KSR2: variants seen among roughly 807,000 people sequenced by gnomAD.
KSR2 encodes the protein kinase suppressor of ras 2.
KSR2 carries 25 observed loss-of-function variants against 107.8 expected under a neutral mutation model. The ratio of observed to expected loss-of-function variants is 0.23; its 90% CI spans 0.17 to 0.32. The LOEUF is 0.32. Among genes scored for constraint, KSR2 ranks in the 10% least tolerant of loss-of-function variants. The pLI is 1.00. For missense variants in KSR2, 887 were observed against 1,268.9 expected, an observed-to-expected ratio of 0.70 and a Z score of 4.57; for synonymous variants, 480 against 507.0, an observed-to-expected ratio of 0.95 and a Z score of 0.71.
In KSR2 at chr12:117,931,085, G is replaced by A. The variant is rs939949256; in HGVS notation, c.180+36991C>T. ...TTTTTACAGAAACTCCAAGAGAGTC[G>A]TGCGGAGCAGAGACTTCAGCGGCTG... On this transcript the variant is annotated intron_variant, in intron 1 of 19. Coordinates refer to ENST00000339824, the MANE Select transcript of KSR2 (RefSeq NM_173598.6). Among the ~76,000 whole-genome samples the A allele has an allele frequency of 2.6e-5, 4 of 152,186 alleles. No homozygotes were observed. The South Asian group carries it at 6.2e-4, about 24-fold the overall frequency.
At position 117,936,967 on chromosome 12, in the gene KSR2, G is replaced by A. The variant is rs924044850; in HGVS notation, c.180+31109C>T. Among the ~76,000 whole-genome samples, 13 of 152,276 alleles carry A rather than the reference G, an allele frequency of 8.5e-5. No individual in the cohort carries two copies. The South Asian group carries it at 1.9e-3, about 22-fold the overall frequency. ...TGAGCCAGAGCCCAGAGGGTGCCCA[G>A]GGACGCCTCCTCCATCTGCCCCCAG... On this transcript the variant is annotated intron_variant, in intron 1 of 19. Transcript: ENST00000339824.
intron 4 of KSR2, among the ~76,000 whole-genome samples, chr12:117,689,595 G>A (rs749677881): frequency 1.6e-4 from 24 of 151,936 alleles, no homozygotes; most frequent in Admixed American, 1.3e-3. Flanking sequence ...ATTTGGCCCC[G>A]GGGGGCATGG....
intron 3 of KSR2, among the ~76,000 whole-genome samples, chr12:117,793,880 TACA>T (rs974616717): frequency 3.4e-5 from 4 of 115,946 alleles, no homozygotes; most frequent in Non-Finnish European, 5.2e-5. Context: ...TATGCACACA[TACA>T]ACATGCACAC....
intron 13 of KSR2, 116 bp downstream of exon 13, chr12:117,526,955 G>T: frequency 1.3e-6 from 1 of 789,840 alleles, no homozygotes; most frequent in Non-Finnish European, 2.2e-6. Context: ...ATCAGTCAGG[G>T]CCACCACAGC....
At chr12:117,585,941 G>A (rs1400711711) in intron 5 of KSR2, among the ~76,000 whole-genome samples, 3 of 152,220 alleles carry the variant, frequency 2.0e-5, no homozygotes, top group Non-Finnish European at 2.9e-5. Context: ...AAGGAGGGAG[G>A]ATTCTTCTCC....
At chr12:117,577,229 C>A (rs537840927) in intron 7 of KSR2, among the ~76,000 whole-genome samples, 15 of 152,292 alleles carry the variant, frequency 9.8e-5, no homozygotes, top group African/African-American at 3.1e-4. Flanking sequence ...TTCTCAGAAT[C>A]TTTTAAACTA....
chr12:117,766,242 T>A (rs1429542268), intron 3 of KSR2, among the ~76,000 whole-genome samples: 1 of 152,296 alleles, frequency 6.6e-6, no homozygotes, highest in East Asian at 1.9e-4. Flanking sequence ...AAGTACTGAT[T>A]CATGTGGATC....
chr12:117,717,995 G>C (rs1340500074), intron 4 of KSR2, among the ~76,000 whole-genome samples: 1 of 152,162 alleles, frequency 6.6e-6, no homozygotes, highest in Non-Finnish European at 1.5e-5. Flanking sequence ...CAACATTTGT[G>C]TAAGCACCTA....
intron 19 of KSR2, among the ~76,000 whole-genome samples, chr12:117,468,390 G>A (rs1489738620): frequency 6.6e-6 from 1 of 152,226 alleles, no homozygotes; most frequent in Non-Finnish European, 1.5e-5. Context: ...ACGTAGTGGA[G>A]TGGCAATTTC....
intron 5 of KSR2, among the ~76,000 whole-genome samples, chr12:117,593,900 A>G (rs1880476086): frequency 6.6e-6 from 1 of 152,254 alleles, no homozygotes; most frequent in Non-Finnish European, 1.5e-5. Flanking sequence ...AGTTATGCAG[A>G]GGACAGAACT....
intron 9 of KSR2, among the ~76,000 whole-genome samples, chr12:117,541,355 C>G (rs113507392): frequency 6.6e-6 from 1 of 152,124 alleles, no homozygotes; most frequent in Admixed American, 6.5e-5. Flanking sequence ...CAGGGAGGAA[C>G]AGTAGCTGTA....
chr12:117,621,443 C>T lies in KSR2; in HGVS notation c.1172-39084G>A, dbSNP rs1019435995. Among the ~76,000 whole-genome samples, 3 of 152,186 alleles carry T rather than the reference C, an allele frequency of 2.0e-5. No individual in the cohort carries two copies. In the East Asian group the frequency reaches 5.8e-4, roughly 29 times the overall value. On this transcript the variant is annotated intron_variant, in intron 5 of 19. Coordinates refer to ENST00000339824, the MANE Select transcript of KSR2 (RefSeq NM_173598.6). ...GGCTGACTCCACGACTTACTAGCTG[C>T]ATTCACATAGGCAGGTTAGTTAACC... is the stretch of plus-strand genomic sequence containing the variant.
intron 19 of KSR2, 91 bp from the exon 20 acceptor site, chr12:117,467,296 G>T: frequency 1.7e-6 from 1 of 595,368 alleles, no homozygotes; most frequent in Middle Eastern, 2.7e-4. Context: ...CAGTGGGCCA[G>T]GTGGCTTGAG....
At chr12:117,855,700 G>A in intron 2 of KSR2, 122 bp from the exon 3 acceptor site, 3 of 974,222 alleles carry the variant, frequency 3.1e-6, no homozygotes, top group Admixed American at 2.2e-5. Context: ...ATGACAGTGG[G>A]GTCTCCGAAT....
chr12:117,578,181 C>T (rs899343703), intron 7 of KSR2, among the ~76,000 whole-genome samples: 4 of 152,086 alleles, frequency 2.6e-5, no homozygotes, highest in Admixed American at 1.3e-4. Context: ...GGGTTCAGGT[C>T]CTGACTGTCA....
intron 4 of KSR2, among the ~76,000 whole-genome samples, chr12:117,724,151 T>C (rs1343870566): frequency 1.3e-5 from 2 of 151,654 alleles, no homozygotes; most frequent in Non-Finnish European, 2.9e-5. Flanking sequence ...TACCAAACAA[T>C]ACAAAAATTA....
intron 3 of KSR2, among the ~76,000 whole-genome samples, chr12:117,794,216 T>C (rs1300393325): frequency 2.5e-5 from 2 of 80,060 alleles, no homozygotes; most frequent in Non-Finnish European, 4.5e-5. Flanking sequence ...TACACCAACA[T>C]GCACACACAC....
chr12:117,791,905 T>C (rs936740998), intron 3 of KSR2, among the ~76,000 whole-genome samples: 1 of 152,236 alleles, frequency 6.6e-6, no homozygotes, highest in African/African-American at 2.4e-5. Context: ...TCTCTCCCCA[T>C]ATTTCTCTCT....
At chr12:117,554,316 A>G (rs1477278566) in intron 9 of KSR2, among the ~76,000 whole-genome samples, 2 of 152,164 alleles carry the variant, frequency 1.3e-5, no homozygotes, top group Non-Finnish European at 2.9e-5. Context: ...GTAGAAGCCA[A>G]CCAAATTGCC....
Sources: allele counts gnomAD v4.1 joint callset (sites outside exome capture counted in the v4.1 genomes callset), GRCh38; gene constraint gnomAD v4.1.1; transcripts MANE v1.5; gene names NCBI Gene and HGNC (gene_info 2026-07-23, HGNC 2026-07-21).